PDE1C: variants seen among roughly 807,000 people sequenced by gnomAD.
The protein encoded by PDE1C is dual specificity calcium/calmodulin-dependent 3',5'-cyclic nucleotide phosphodiesterase 1C.
Under a neutral mutation model 93.1 loss-of-function variants are expected in PDE1C, and 62 were observed. The observed-to-expected ratio is 0.67, with a 90% CI of 0.54 to 0.82. The LOEUF (loss-of-function observed/expected upper bound fraction) is 0.82, where lower values mean the gene tolerates loss of function less well. Among genes scored for constraint, PDE1C ranks in the 40% least tolerant of loss-of-function variants. PDE1C has a pLI of 0.00. For synonymous variants in PDE1C, 325 were observed against 310.1 expected (o/e 1.05, Z -0.50); for missense variants, 742 against 884.6 (o/e 0.84, Z 2.04).
chr7:31,898,018 C>CTT lies in PDE1C; in HGVS notation c.129-17160_129-17159dup, dbSNP rs201863179. 9.4e-3 allele frequency among the ~76,000 whole-genome samples: 1,155 copies of CTT among 122,892 alleles called. 11 individuals carry two copies. The highest frequency in any genetic ancestry group is 0.031 in the East Asian group (127 of 4,060). The allele number at this position is 122,892 out of a possible 152,430, so 80.6% of individuals were successfully genotyped here. On this transcript the variant is annotated intron_variant, in intron 2 of 17. Transcript: ENST00000396191. ...CCTAAGTAACAGAAGGGTTTGGTTT[C>CTT]TTTGTGTGTGTGTGTGTGTGTGTGT...
intron 1 of PDE1C, among the ~76,000 whole-genome samples, chr7:32,256,751 T>C (rs1052559614): frequency 4.6e-5 from 7 of 152,200 alleles, no homozygotes; most frequent in African/African-American, 1.7e-4. Flanking sequence ...TCCTCATCTG[T>C]AAGACAGAGG....
At chr7:31,988,413 A>C (rs995267) in intron 2 of PDE1C, among the ~76,000 whole-genome samples, 22,864 of 152,260 alleles carry the variant, frequency 0.15, 1,996 homozygotes, top group African/African-American at 0.24. Flanking sequence ...CTAACCACTC[A>C]AAAGATGACT....
the PDE1C span, chr7:31,695,822 A>T: frequency 2.4e-6 from 1 of 417,092 alleles, no homozygotes; most frequent in East Asian, 4.0e-5. Context: ...TAATACAATA[A>T]AAGTTTATTT....
At chr7:31,731,859 A>G in the PDE1C span, among the ~76,000 whole-genome samples, 1 of 152,200 alleles carries the variant, frequency 6.6e-6, no homozygotes, top group Non-Finnish European at 1.5e-5. Flanking sequence ...TTTCTTTCCC[A>G]GAGTCCTTGA....
At chr7:32,100,998 A>G (rs1563313170) in intron 3 of PDE1C, among the ~76,000 whole-genome samples, 1 of 152,128 alleles carries the variant, frequency 6.6e-6, no homozygotes, top group Non-Finnish European at 1.5e-5. Flanking sequence ...GTCACCTTTG[A>G]TGTCACTTCC....
At chr7:32,365,429 C>T (rs1225457770) in intron 1 of PDE1C, among the ~76,000 whole-genome samples, 2 of 152,160 alleles carry the variant, frequency 1.3e-5, no homozygotes, top group African/African-American at 2.4e-5. Flanking sequence ...CTCAGGCCAG[C>T]CAAGTACTGT....
intron 3 of PDE1C, among the ~76,000 whole-genome samples, chr7:32,107,745 C>T (rs556079442): frequency 9.2e-5 from 14 of 151,950 alleles, no homozygotes; most frequent in South Asian, 4.2e-4. Context: ...TAAATGAAGA[C>T]GAGATAAAAT....
chr7:32,255,879 T>C (rs1809753944), intron 1 of PDE1C, among the ~76,000 whole-genome samples: 1 of 152,180 alleles, frequency 6.6e-6, no homozygotes, highest in Non-Finnish European at 1.5e-5. Flanking sequence ...GCTGGTGGAC[T>C]ATGGTGAGAA....
At chr7:31,963,095 C>T (rs1809270735) in intron 2 of PDE1C, among the ~76,000 whole-genome samples, 1 of 152,092 alleles carries the variant, frequency 6.6e-6, no homozygotes, top group South Asian at 2.1e-4. Context: ...TTAGAAAATA[C>T]ACATTTTTTT....
At chr7:31,675,805 A>G in the PDE1C span, among the ~76,000 whole-genome samples, 1 of 152,126 alleles carries the variant, frequency 6.6e-6, no homozygotes, top group African/African-American at 2.4e-5. Flanking sequence ...ATAATTTTTG[A>G]CTATCACTAA....
intron 2 of PDE1C, among the ~76,000 whole-genome samples, chr7:32,205,338 G>C (rs922605395): frequency 6.6e-6 from 1 of 152,194 alleles, no homozygotes; most frequent in African/African-American, 2.4e-5. Context: ...CTAGCATTGA[G>C]GTGAATCTGG....
At chr7:31,624,087 G>C in the PDE1C span, among the ~76,000 whole-genome samples, 42,018 of 150,104 alleles carry the variant, frequency 0.28, 6,204 homozygotes, top group Non-Finnish European at 0.33. Context: ...CCTCTTCAAG[G>C]AGAACTACAA....
chr7:31,713,654 C>A, the PDE1C span, among the ~76,000 whole-genome samples: 17 of 152,366 alleles, frequency 1.1e-4, no homozygotes, highest in South Asian at 3.5e-3. Flanking sequence ...AAACTTCTGC[C>A]TGGGCATCCA....
intron 2 of PDE1C, among the ~76,000 whole-genome samples, chr7:32,199,775 C>T (rs1804878826): frequency 6.6e-6 from 1 of 151,878 alleles, no homozygotes; most frequent in Non-Finnish European, 1.5e-5. Flanking sequence ...TTGAACATCC[C>T]TAATCCAAAA....
downstream of PDE1C, among the ~76,000 whole-genome samples, chr7:31,746,199 C>A (rs1314199203): frequency 6.6e-6 from 1 of 152,130 alleles, no homozygotes. Context: ...GGATATCTCT[C>A]TTGCAATGGA....
intron 2 of PDE1C, among the ~76,000 whole-genome samples, chr7:31,902,294 CAGA>C (rs1365821774): frequency 6.6e-6 from 1 of 151,522 alleles, no homozygotes; most frequent in Non-Finnish European, 1.5e-5. Context: ...AAGCAATTCA[CAGA>C]AGAACTATAA....
rs143724756 is a variant in PDE1C at position 32,090,817 on chromosome 7, C to G, written c.308+78968G>C. On this transcript the variant is annotated intron_variant, in intron 3 of 18. Coordinates refer to the PDE1C transcript ENST00000396193. ...CTGGAGACCATCCAAAAGCTGCCTT[C>G]CCCAAAAATCCTGCTGCAGTTCAAT... 4.9e-3 allele frequency among the ~76,000 whole-genome samples: 746 copies of G among 152,310 alleles called. 3 individuals are homozygous for G. The highest frequency in any genetic ancestry group is 0.016 in the African/African-American group (677 of 41,574).
Position 32,113,236 on chromosome 7 carries a change from A to AATATATATATATATATATATATAT in PDE1C, c.308+56525_308+56548dup, listed in dbSNP as rs35138046. ...TATAAATATAAATATATTGTCCTTA[A>AATATATATATATATATATATATAT]ATATATATATATATATATATATATA... On this transcript the variant is annotated intron_variant, in intron 3 of 18. Coordinates refer to the PDE1C transcript ENST00000396193. 5.7e-3 allele frequency among the ~76,000 whole-genome samples: 532 copies of AATATATATATATATATATATATAT among 93,740 alleles called. 7 individuals are homozygous for AATATATATATATATATATATATAT. The highest frequency in any genetic ancestry group is 0.013 in the East Asian group (34 of 2,590). The allele number at this position is 93,740 out of a possible 152,430, so 61.5% of individuals were successfully genotyped here.
intron 1 of PDE1C, among the ~76,000 whole-genome samples, chr7:32,346,527 C>T (rs973849411): frequency 1.3e-5 from 2 of 152,190 alleles, no homozygotes; most frequent in Non-Finnish European, 1.5e-5. Context: ...TCTACACTCA[C>T]CTTGAGACTA....
Sources: gnomAD v4.1 joint callset for allele counts (sites outside exome capture counted in the v4.1 genomes callset) on GRCh38, gnomAD v4.1.1 for gene constraint, MANE v1.5 for transcripts, NCBI Gene and HGNC (gene_info 2026-07-23, HGNC 2026-07-21) for gene names.